The following NINJ2 variants were observed in gnomAD, a reference collection of about 807,000 sequenced individuals.
The protein encoded by NINJ2 is ninjurin 2, also known as ninjurin-2.
In NINJ2, 12 loss-of-function variants were observed where a neutral mutation model predicts 11.7. The ratio of observed to expected loss-of-function variants is 1.02; its 90% CI spans 0.66 to 1.66. The LOEUF is 1.66. Ranked by LOEUF, NINJ2 falls within the 40% of genes most tolerant of loss-of-function variation. The probability of loss-of-function intolerance (pLI) is 0.00; values close to 1 mark genes in which losing one functional copy is unlikely to be tolerated. For synonymous variants in NINJ2, 93 were observed against 76.8 expected, an observed-to-expected ratio of 1.21 and a Z score of -1.10; for missense variants, 187 against 181.8, an observed-to-expected ratio of 1.03 and a Z score of -0.16.
intron 1 of NINJ2, among the ~76,000 whole-genome samples, chr12:592,923 G>T (rs1447583410): frequency 2.0e-5 from 3 of 152,000 alleles, no homozygotes; most frequent in Non-Finnish European, 4.4e-5. Context: ...GATAATTACA[G>T]AAATTTGTGA....
intron 2 of NINJ2, chr12:565,749 A>G (rs557081905): frequency 1.5e-6 from 1 of 658,272 alleles, no homozygotes; most frequent in South Asian, 1.7e-5. Flanking sequence ...TCCATGGGAT[A>G]CCAGGAGACA....
At chr12:656,717 G>A (rs951091601) in intron 1 of NINJ2, among the ~76,000 whole-genome samples, 2 of 150,494 alleles carry the variant, frequency 1.3e-5, no homozygotes, top group East Asian at 3.9e-4. Flanking sequence ...CCACTGCACT[G>A]TAGCCTGGGT....
At chr12:596,580 A>G (rs1317469577) in intron 1 of NINJ2, among the ~76,000 whole-genome samples, 1 of 152,182 alleles carries the variant, frequency 6.6e-6, no homozygotes, top group Non-Finnish European at 1.5e-5. Context: ...AACAAACAAT[A>G]AAACCAAAGA....
chr12:627,599 GGGGCAGA>G (rs1948224250), intron 1 of NINJ2, among the ~76,000 whole-genome samples: 1 of 152,240 alleles, frequency 6.6e-6, no homozygotes, highest in Admixed American at 6.5e-5. Flanking sequence ...ATGAGAGGCA[GGGGCAGA>G]CTTCGTGGGT....
intron 1 of NINJ2, among the ~76,000 whole-genome samples, chr12:619,140 C>T (rs984969860): frequency 8.5e-5 from 13 of 152,088 alleles, no homozygotes; most frequent in Non-Finnish European, 8.8e-5. Context: ...AGGAGGGGGG[C>T]AGTTTATTGT....
intron 1 of NINJ2, among the ~76,000 whole-genome samples, chr12:624,203 A>G (rs1345467913): frequency 6.6e-6 from 1 of 152,180 alleles, no homozygotes; most frequent in African/African-American, 2.4e-5. Context: ...GTTCAATCCT[A>G]TCTGAGCTTT....
chr12:624,707 G>C (rs1424627504), intron 1 of NINJ2, among the ~76,000 whole-genome samples: 1 of 151,504 alleles, frequency 6.6e-6, no homozygotes, highest in African/African-American at 2.4e-5. Flanking sequence ...AACTTGGGAG[G>C]CTGAGGCAGG....
At chr12:565,869 G>T (rs750962929) in intron 2 of NINJ2, 81 bp downstream of exon 2, 1 of 1,204,602 alleles carries the variant, frequency 8.3e-7, no homozygotes, top group African/African-American at 1.5e-5. Flanking sequence ...CCAATGCAGG[G>T]TGGCCCAGGG....
chr12:610,255 C>T lies in NINJ2; in HGVS notation c.34-44077G>A, dbSNP rs1036825540. The T allele has an allele frequency of 2.2e-5, 24 of 1,077,536 alleles. No individual in the cohort carries two copies. In the Admixed American group the frequency reaches 4.6e-4, roughly 21 times the overall value. 66.7% of individuals were successfully genotyped at this position (1,077,536 alleles called of 1,614,324 possible). A position where few individuals can be genotyped will look rare whatever the true frequency, so the allele number is the denominator to read the frequency against. ...AATGCTTTTGCGTGAGTGAAACAGC[C>T]CCTCTGGCAGCCCTCTTCACCTGCC... On this transcript the variant is annotated intron_variant, in intron 1 of 3. Transcript: ENST00000305108.
chr12:649,183 A>C (rs1402895599), intron 1 of NINJ2, among the ~76,000 whole-genome samples: 2 of 151,838 alleles, frequency 1.3e-5, no homozygotes, highest in Non-Finnish European at 2.9e-5. Flanking sequence ...AGTAGCTGGG[A>C]TTACAGGCAT....
At position 581,033 on chromosome 12, in the gene NINJ2, GTGTC is replaced by G. The variant is rs1364855078; in HGVS notation, c.34-14859_34-14856del. The stretch of plus-strand genomic sequence containing the variant: ...ATGTGTGTGTTCATGTCTTGTGTAT[GTGTC>G]TGTGTGTGTCTGTGTCTGTGTGTGC... On this transcript the variant is annotated intron_variant, in intron 1 of 3. Transcript: ENST00000305108. This position sits in a 1 kb window ranked among gnomAD's most constrained non-coding sequence, Gnocchi z 4.9. Among the ~76,000 whole-genome samples the G allele has an allele frequency of 6.6e-6, 1 of 151,044 alleles. No individual in the cohort carries two copies. The highest frequency in any genetic ancestry group is 1.9e-4 in the East Asian group (1 of 5,148).
rs563150301 is a variant in NINJ2 at position 580,840 on chromosome 12, A to G, written c.34-14662T>C. Among the ~76,000 whole-genome samples the G allele has an allele frequency of 9.5e-5, 14 of 147,408 alleles. No homozygotes were observed. The highest frequency in any genetic ancestry group is 1.3e-4 in the Admixed American group (2 of 14,922). ...TATGCGTGTGTGTCTGTGTGTATGCATGTGTGTCTGTGTGTGCATGAGTGT... is the reference window on the plus strand; with the variant it reads ...TATGCGTGTGTGTCTGTGTGTATGCGTGTGTGTCTGTGTGTGCATGAGTGT... On this transcript the variant is annotated intron_variant, in intron 1 of 3. Transcript: ENST00000305108. The surrounding 1 kb of genome is among the most constrained non-coding windows in gnomAD (Gnocchi z 4.7).
chr12:633,257 G>A lies in NINJ2; in HGVS notation c.33+30071C>T, dbSNP rs938609379. Among the ~76,000 whole-genome samples, 1 of 151,924 alleles carries A rather than the reference G, an allele frequency of 6.6e-6. No individual in the cohort carries two copies. Among genetic ancestry groups the A allele is most frequent in the Non-Finnish European group, 1.5e-5 (1 of 68,002 alleles). On this transcript the variant is annotated intron_variant, in intron 1 of 3. Coordinates refer to ENST00000305108, the MANE Select transcript of NINJ2 (RefSeq NM_016533.6). The surrounding 1 kb of genome is among the most constrained non-coding windows in gnomAD (Gnocchi z 4.3). The stretch of plus-strand genomic sequence containing the variant: ...TCACACCTGTAATCCTAGCTCTTTG[G>A]GAGGCCGAGGTGGATGGATCACCTG...
intron 1 of NINJ2, among the ~76,000 whole-genome samples, chr12:655,054 CTAGA>C (rs1167708120): frequency 1.3e-5 from 2 of 152,082 alleles, no homozygotes; most frequent in Non-Finnish European, 2.9e-5. Context: ...TCTCAGTACA[CTAGA>C]TAATTTCCTC....
intron 1 of NINJ2, among the ~76,000 whole-genome samples, chr12:635,203 G>A (rs1948335217): frequency 6.6e-6 from 1 of 152,098 alleles, no homozygotes; most frequent in Non-Finnish European, 1.5e-5. Context: ...ACTGGCACGT[G>A]CCACCACATC....
In NINJ2 at chr12:628,202, AGCCTCTGGCAG is replaced by A. The variant is rs1395255982; in HGVS notation, c.33+35115_33+35125del. On this transcript the variant is annotated intron_variant, in intron 1 of 3. Transcript: ENST00000305108. This position sits in a 1 kb window ranked among gnomAD's most constrained non-coding sequence, Gnocchi z 4.4. ...TGCTCTGGGTGGAGAAGGGGCCATGAGCCTCTGGCAGGCCTCTGTGTCACACCTTTCCACCA... is the reference window on the plus strand; with the variant it reads ...TGCTCTGGGTGGAGAAGGGGCCATGAGCCTCTGTGTCACACCTTTCCACCA... Among the ~76,000 whole-genome samples, 1 of 152,126 alleles carries A rather than the reference AGCCTCTGGCAG, an allele frequency of 6.6e-6. No individual in the cohort carries two copies. Among genetic ancestry groups the A allele is most frequent in the Non-Finnish European group, 1.5e-5 (1 of 68,038 alleles).
chr12:652,642 TA>T (rs1937810682), intron 1 of NINJ2, among the ~76,000 whole-genome samples: 1 of 152,072 alleles, frequency 6.6e-6, no homozygotes, highest in South Asian at 2.1e-4. Flanking sequence ...TATTCTTTTT[TA>T]AAATTAACAA....
intron 1 of NINJ2, among the ~76,000 whole-genome samples, chr12:648,977 C>CCTATCTATCTGTCTATCTGTCTGT (rs1555167408): frequency 4.9e-3 from 137 of 27,918 alleles, no homozygotes; most frequent in East Asian, 0.024. Context: ...AAGTCATCCA[C>CCTATCTATCTGTCTATCTGTCTGT]CTATCTATCT....
intron 1 of NINJ2, among the ~76,000 whole-genome samples, chr12:604,915 G>A (rs1947921185): frequency 6.6e-6 from 1 of 152,194 alleles, no homozygotes; most frequent in South Asian, 2.1e-4. Flanking sequence ...CTTGCGGTGT[G>A]GTCCAGGAAC....
Sources: gnomAD v4.1 joint callset for allele counts (sites outside exome capture counted in the v4.1 genomes callset) on GRCh38, gnomAD v4.1.1 for gene constraint, Gnocchi (gnomAD v3.1) non-coding constraint, MANE v1.5 for transcripts, NCBI Gene and HGNC (gene_info 2026-07-23, HGNC 2026-07-21) for gene names.